Variants in ZNF697 observed in about 807,000 individuals in gnomAD.
ZNF697 encodes zinc finger protein 697.
Under a neutral mutation model 32.4 loss-of-function variants are expected in ZNF697, and 23 were observed. That is an observed-to-expected ratio of 0.71 (90% CI 0.51 to 1.01). The LOEUF (loss-of-function observed/expected upper bound fraction) is 1.01. Ranked by LOEUF, ZNF697 falls within the 50% of genes least tolerant of loss-of-function variation. The pLI is 0.00. For synonymous variants in ZNF697, 418 were observed against 337.2 expected, an observed-to-expected ratio of 1.24 and a Z score of -2.62; for missense variants, 930 against 794.0, an observed-to-expected ratio of 1.17 and a Z score of -2.06.
Position 119,625,955 on chromosome 1 carries a change from C to T in ZNF697, c.146G>A (p.Arg49Lys). ...CATCTCCGGCTCCGGATGGCCTTCT[C>T]TCTTGTTTGTGTCATGTGGATTAGA... ...MGSNPHDTNK[R>K]EGHPEPEMGS... Residue 49 changes from arginine to lysine, a missense_variant, in exon 2 of 3, where the codon AGA becomes AAA. Coordinates refer to ENST00000421812, the MANE Select transcript of ZNF697 (RefSeq NM_001080470.2). 6.2e-7 allele frequency: 1 copy of T among 1,614,076 alleles called. No homozygotes were observed. The highest frequency in any genetic ancestry group is 1.7e-5 in the Admixed American group (1 of 60,034).
intron 1 of ZNF697, among the ~76,000 whole-genome samples, chr1:119,646,139 T>C (rs1201603448): frequency 6.6e-6 from 1 of 152,166 alleles, no homozygotes; most frequent in Non-Finnish European, 1.5e-5. Context: ...TCTGTCTGAC[T>C]AGCATCCATT....
At position 119,623,760 on chromosome 1, in the gene ZNF697, C is replaced by T. The variant is rs1648462536; in HGVS notation, c.583G>A (p.Gly195Arg). ...GCGGCGCCAGGACTGAAGCTCTCCC[C>T]GCAGTCGGGGCAGATGGTGGGCGCG... is the stretch of plus-strand genomic sequence containing the variant. ...MDAPTICPDC[G>R]ESFSPGAAFL... Residue 195 changes from glycine to arginine, a missense_variant, in exon 3 of 3, where the codon GGG becomes AGG. Transcript: ENST00000421812. 1 of 1,542,354 alleles carries T rather than the reference C, an allele frequency of 6.5e-7. No individual in the cohort carries two copies. Among genetic ancestry groups the T allele is most frequent in the Non-Finnish European group, 8.7e-7 (1 of 1,146,572 alleles).
At position 119,622,793 on chromosome 1, in the gene ZNF697, C is replaced by T. The variant is rs1305074059; in HGVS notation, c.1550G>A (p.Gly517Asp). ...HLIRHRRIHT[G>D]NKPHKCAGCG... ...GCCCGCACACTTGTGCGGCTTGTTG[C>T]CCGTGTGGATGCGGCGGTGGCGGAT... Residue 517 changes from glycine (G) to aspartate (D), a missense_variant, in exon 3 of 3, where the codon GGC (glycine) becomes GAC (aspartate). Physicochemically the swap from Gly to Asp is moderately conservative, Grantham distance 94. Coordinates refer to ENST00000421812, the MANE Select transcript of ZNF697 (RefSeq NM_001080470.2). The T allele has an allele frequency of 1.3e-6, 2 of 1,599,226 alleles. No individual in the cohort carries two copies. Among genetic ancestry groups the T allele is most frequent in the Admixed American group, 1.7e-5 (1 of 57,358 alleles).
chr1:119,637,140 T>C (rs1648944566), intron 1 of ZNF697, among the ~76,000 whole-genome samples: 1 of 152,194 alleles, frequency 6.6e-6, no homozygotes, highest in South Asian at 2.1e-4. Context: ...TCCTAACAAA[T>C]CTTCAAAGTG....
At chr1:119,627,190 TCAGCAGTCCCCAAA>T (rs1648615788) in intron 1 of ZNF697, among the ~76,000 whole-genome samples, 1 of 152,218 alleles carries the variant, frequency 6.6e-6, no homozygotes, top group Non-Finnish European at 1.5e-5. Flanking sequence ...GCTCTCTGCC[TCAGCAGTCCCCAAA>T]CAGCAAGAAC....
chr1:119,646,097 TTCAATCCAGCCGCA>T (rs1355549151), intron 1 of ZNF697, among the ~76,000 whole-genome samples: 10 of 152,154 alleles, frequency 6.6e-5, no homozygotes, highest in Non-Finnish European at 5.9e-5. Context: ...TATTTACCAC[TTCAATCCAGCCGCA>T]TCAATCCAGC....
In ZNF697 at chr1:119,619,630, G is replaced by T. The variant is rs190438813; in HGVS notation, c.*3075C>A. ...AGCTGTAAAATAACATTACAGTGAA[G>T]AAAAATGTGCACAAACTTCAGAAAC... is the stretch of plus-strand genomic sequence containing the variant. On this transcript the variant is annotated 3_prime_UTR_variant, in exon 3 of 3. Coordinates refer to ENST00000421812, the MANE Select transcript of ZNF697 (RefSeq NM_001080470.2). The T allele has an allele frequency of 1.2e-3, 184 of 152,690 alleles. No individual in the cohort carries two copies. Among genetic ancestry groups the T allele is most frequent in the Non-Finnish European group, 4.7e-4 (32 of 68,016 alleles). 9.5% of individuals were successfully genotyped at this position (152,690 alleles called of 1,614,324 possible). A position where few individuals can be genotyped will look rare whatever the true frequency, so the allele number is the denominator to read the frequency against.
At chr1:119,640,319 T>C (rs979742935) in intron 1 of ZNF697, among the ~76,000 whole-genome samples, 4 of 152,208 alleles carry the variant, frequency 2.6e-5, no homozygotes, top group Admixed American at 2.6e-4. Context: ...CTAGGAAATC[T>C]AGTGATTTGG....
chr1:119,637,567 G>A lies in ZNF697; in HGVS notation c.-38+10124C>T, dbSNP rs141952524. On this transcript the variant is annotated intron_variant, in intron 1 of 2. Transcript: ENST00000421812. The stretch of plus-strand genomic sequence containing the variant: ...CCCTTGCACCACATTCTCCCAACCC[G>A]CTCTGTCATATTCATGAGTTTAGTG... Among the ~76,000 whole-genome samples the A allele has an allele frequency of 1.8e-3, 272 of 152,270 alleles. 1 individual carries two copies. The highest frequency in any genetic ancestry group is 3.0e-3 in the Non-Finnish European group (207 of 68,024).
At chr1:119,639,282 C>T (rs1395963419) in intron 1 of ZNF697, among the ~76,000 whole-genome samples, 3 of 152,160 alleles carry the variant, frequency 2.0e-5, no homozygotes, top group Non-Finnish European at 4.4e-5. Flanking sequence ...AGTACACACT[C>T]TTACTAGTTA....
At chr1:119,628,746 G>A (rs1361903389) in intron 1 of ZNF697, among the ~76,000 whole-genome samples, 1 of 152,178 alleles carries the variant, frequency 6.6e-6, no homozygotes, top group Non-Finnish European at 1.5e-5. Flanking sequence ...AGCACATCAT[G>A]GGGTTTTAGG....
chr1:119,623,439 C>T lies in ZNF697; in HGVS notation c.904G>A (p.Ala302Thr), dbSNP rs1356456161. The T allele has an allele frequency of 3.3e-6, 5 of 1,537,796 alleles. No homozygotes were observed. Among genetic ancestry groups the T allele is most frequent in the Non-Finnish European group, 3.5e-6 (4 of 1,145,186 alleles). ...AGGCGCCGGTGCTTGAGCAGGTCGGCGCGCCAGCTGAAGCTCTTGCCGCAG... is the reference window on the plus strand; with the variant it reads ...AGGCGCCGGTGCTTGAGCAGGTCGGTGCGCCAGCTGAAGCTCTTGCCGCAG... ...ADCGKSFSWR[A>T]DLLKHRRLHT... Residue 302 changes from alanine (A) to threonine (T), a missense_variant, in exon 3 of 3, where the codon GCC becomes ACC. Physicochemically the swap from Ala to Thr is moderately conservative, Grantham distance 58. Transcript: ENST00000421812.
chr1:119,638,118 G>A (rs1198981213), intron 1 of ZNF697, among the ~76,000 whole-genome samples: 2 of 152,212 alleles, frequency 1.3e-5, no homozygotes, highest in Non-Finnish European at 2.9e-5. Flanking sequence ...TCATTCTGCA[G>A]TATCATTTTT....
In ZNF697 at chr1:119,622,959, C is replaced by T. The variant is rs1262123273; in HGVS notation, c.1384G>A (p.Glu462Lys). Residue 462 changes from glutamate to lysine, a missense_variant, in exon 3 of 3, where the codon GAG becomes AAG. Transcript: ENST00000421812. ...LVNHLRVHTG[E>K]KPFRCGQCEK... is the part of the protein sequence containing the mutation. ...CACTGGCCACAGCGGAAGGGCTTCT[C>T]GCCGGTGTGCACGCGCAGGTGGTTC... 1.2e-6 allele frequency: 2 copies of T among 1,602,870 alleles called. No homozygotes were observed. Among genetic ancestry groups the T allele is most frequent in the Non-Finnish European group, 1.7e-6 (2 of 1,173,888 alleles).
At chr1:119,624,741 C>A (rs1557935467) in intron 2 of ZNF697, among the ~76,000 whole-genome samples, 1 of 152,048 alleles carries the variant, frequency 6.6e-6, no homozygotes, top group Non-Finnish European at 1.5e-5. Flanking sequence ...ATTACAGGCT[C>A]ATGCCACCAC....
chr1:119,640,939 G>A (rs1439929293), intron 1 of ZNF697, among the ~76,000 whole-genome samples: 1 of 152,134 alleles, frequency 6.6e-6, no homozygotes, highest in Non-Finnish European at 1.5e-5. Context: ...CAACAAGAAA[G>A]GCATGGATTT....
intron 1 of ZNF697, among the ~76,000 whole-genome samples, chr1:119,642,498 T>G (rs1055651943): frequency 2.0e-5 from 3 of 152,144 alleles, no homozygotes; most frequent in Non-Finnish European, 4.4e-5. Flanking sequence ...CTTTCTCAAT[T>G]TTGCTGTGAA....
chr1:119,622,634 C>T lies in ZNF697; in HGVS notation c.*71G>A, dbSNP rs1396406715. The T allele has an allele frequency of 7.7e-6, 11 of 1,436,846 alleles. No homozygotes were observed. In the East Asian group the frequency reaches 2.3e-4, roughly 29 times the overall value. 89.0% of individuals were successfully genotyped at this position (1,436,846 alleles called of 1,614,324 possible). The stretch of plus-strand genomic sequence containing the variant: ...CCTCCCGCCCCTTCCCCACTTCCTT[C>T]CCCTGGGTCAGTCCCAGGATATCTA... On this transcript the variant is annotated 3_prime_UTR_variant, in exon 3 of 3. Transcript: ENST00000421812.
chr1:119,636,343 G>A (rs180992275), intron 1 of ZNF697, among the ~76,000 whole-genome samples: 6 of 152,258 alleles, frequency 3.9e-5, no homozygotes, highest in Admixed American at 1.3e-4. Flanking sequence ...GAAAGGATCC[G>A]TGGAACGAAA....
Sources: allele counts gnomAD v4.1 joint callset (sites outside exome capture counted in the v4.1 genomes callset), GRCh38; gene constraint gnomAD v4.1.1; transcripts MANE v1.5; gene names NCBI Gene and HGNC (gene_info 2026-07-23, HGNC 2026-07-21).